SOX5: variants seen among roughly 807,000 people sequenced by gnomAD.
SOX5 encodes the protein transcription factor SOX-5.
SOX5 carries 9 observed loss-of-function variants against 92.0 expected under a neutral mutation model. The observed-to-expected ratio is 0.10, with a 90% CI of 0.06 to 0.17. The LOEUF (loss-of-function observed/expected upper bound fraction) is 0.17, where lower values mean the gene tolerates loss of function less well. SOX5 is among the 10% of genes least tolerant of loss of function. The pLI is 1.00. For synonymous variants in SOX5, 344 were observed against 336.3 expected (o/e 1.02, Z -0.25); for missense variants, 642 against 944.5 (o/e 0.68, Z 4.20).
intron 4 of SOX5, among the ~76,000 whole-genome samples, chr12:24,100,485 G>T (rs943895504): frequency 4.6e-5 from 7 of 151,996 alleles, no homozygotes; most frequent in African/African-American, 1.7e-4. Flanking sequence ...CTACATCACT[G>T]TTTCTTTCTC....
chr12:23,935,358 T>C (rs1942309342), intron 1 of SOX5, among the ~76,000 whole-genome samples: 1 of 151,282 alleles, frequency 6.6e-6, no homozygotes, highest in African/African-American at 2.4e-5. Flanking sequence ...CCACATGAGA[T>C]GTGAACACTG....
chr12:23,850,929 A>G (rs1361927939), intron 2 of SOX5, among the ~76,000 whole-genome samples: 1 of 151,654 alleles, frequency 6.6e-6, no homozygotes, highest in Admixed American at 6.6e-5. Flanking sequence ...CCAGTTATGA[A>G]CCTCCCCTAG....
At chr12:23,737,335 T>G (rs954165885) in intron 5 of SOX5, among the ~76,000 whole-genome samples, 6 of 151,980 alleles carry the variant, frequency 3.9e-5, no homozygotes, top group African/African-American at 1.4e-4. Flanking sequence ...GGTCAGGAGT[T>G]CGAGACCAGC....
At chr12:23,930,576 A>G (rs1446813556) in intron 1 of SOX5, among the ~76,000 whole-genome samples, 2 of 151,730 alleles carry the variant, frequency 1.3e-5, no homozygotes, top group African/African-American at 4.8e-5. Context: ...ATCCTCTGAT[A>G]ATATAGTCAA....
intron 8 of SOX5, among the ~76,000 whole-genome samples, chr12:23,627,845 A>G (rs1489656262): frequency 6.6e-6 from 1 of 152,022 alleles, no homozygotes; most frequent in African/African-American, 2.4e-5. Context: ...AGGAAAAAAA[A>G]AACACCTCAA....
chr12:23,724,682 TG>T (rs1415510441), intron 6 of SOX5, among the ~76,000 whole-genome samples: 2 of 152,164 alleles, frequency 1.3e-5, no homozygotes, highest in Non-Finnish European at 2.9e-5. Flanking sequence ...TATTTTGGAT[TG>T]GGCTGTCAGA....
upstream of SOX5, among the ~76,000 whole-genome samples, chr12:23,955,820 T>C (rs1436908844): frequency 1.3e-5 from 2 of 152,142 alleles, no homozygotes; most frequent in Non-Finnish European, 2.9e-5. Flanking sequence ...AAAGTGCTCT[T>C]GGCCTTCAAA....
chr12:24,040,835 T>C (rs1956450196), intron 4 of SOX5, among the ~76,000 whole-genome samples: 2 of 151,934 alleles, frequency 1.3e-5, no homozygotes, highest in African/African-American at 2.4e-5. Flanking sequence ...ATTGCACCAC[T>C]GCACTCCAGC....
chr12:24,042,719 G>A (rs1184139462), intron 4 of SOX5, among the ~76,000 whole-genome samples: 4 of 152,102 alleles, frequency 2.6e-5, no homozygotes, highest in Non-Finnish European at 4.4e-5. Context: ...TTCACTGGGT[G>A]TGTACTTGCA....
chr12:23,654,392 C>T (rs1049601744), intron 7 of SOX5, among the ~76,000 whole-genome samples: 1 of 151,908 alleles, frequency 6.6e-6, no homozygotes, highest in African/African-American at 2.4e-5. Flanking sequence ...TTCTGTTCAT[C>T]AACAAGAATC....
chr12:24,312,216 T>C (rs969649681), intron 2 of SOX5, among the ~76,000 whole-genome samples: 2 of 152,132 alleles, frequency 1.3e-5, no homozygotes, highest in Non-Finnish European at 2.9e-5. Flanking sequence ...CTTTCTGCAG[T>C]TTTAATCTAA....
At chr12:23,819,793 G>A (rs1395255855) in intron 3 of SOX5, among the ~76,000 whole-genome samples, 1 of 152,176 alleles carries the variant, frequency 6.6e-6, no homozygotes, top group Non-Finnish European at 1.5e-5. Flanking sequence ...CCATTTCATG[G>A]TGTATATGTG....
At chr12:24,414,329 A>G (rs1349683927) in intron 1 of SOX5, among the ~76,000 whole-genome samples, 1 of 152,208 alleles carries the variant, frequency 6.6e-6, no homozygotes, top group Non-Finnish European at 1.5e-5. Context: ...GATGCTGCCT[A>G]AATATGAACA....
At chr12:23,673,569 G>T (rs964495106) in intron 6 of SOX5, among the ~76,000 whole-genome samples, 2 of 151,958 alleles carry the variant, frequency 1.3e-5, no homozygotes, top group African/African-American at 4.8e-5. Context: ...ATATTTCTTA[G>T]GTATCCATGA....
intron 2 of SOX5, among the ~76,000 whole-genome samples, chr12:24,348,049 CAAAAAAAAAAA>C (rs1182462748): frequency 0.032 from 2,313 of 72,796 alleles, 73 homozygotes; most frequent in African/African-American, 0.1. Context: ...TACAGCTAAT[CAAAAAAAAAAA>C]AAAAAAAAAA....
intron 3 of SOX5, among the ~76,000 whole-genome samples, chr12:23,844,209 C>T (rs906956951): frequency 6.6e-6 from 1 of 152,164 alleles, no homozygotes; most frequent in Non-Finnish European, 1.5e-5. Flanking sequence ...GCTATGGCTC[C>T]CTGCCGCTGC....
Position 23,884,281 on chromosome 12 carries a change from G to A in SOX5, c.270+11512C>T, listed in dbSNP as rs941062907. Among the ~76,000 whole-genome samples the A allele has an allele frequency of 5.3e-5, 8 of 152,092 alleles. No homozygotes were observed. The South Asian group carries it at 6.2e-4, about 12-fold the overall frequency. On this transcript the variant is annotated intron_variant, in intron 2 of 14. Coordinates refer to ENST00000451604, the MANE Select transcript of SOX5 (RefSeq NM_006940.6). The stretch of plus-strand genomic sequence containing the variant: ...GCCAAATGCCATACAGATATCAAAC[G>A]GATCTTGGAATTTACCCAGTAATTT...
At chr12:23,690,071 A>G (rs917297172) in intron 6 of SOX5, among the ~76,000 whole-genome samples, 1 of 152,156 alleles carries the variant, frequency 6.6e-6, no homozygotes, top group Non-Finnish European at 1.5e-5. Context: ...CACTTCATCA[A>G]TAGAGTAATT....
At chr12:23,795,510 G>T (rs1264455346) in intron 3 of SOX5, among the ~76,000 whole-genome samples, 1 of 152,068 alleles carries the variant, frequency 6.6e-6, no homozygotes, top group African/African-American at 2.4e-5. Context: ...GTCTTGCCTT[G>T]TGGCTAAATT....
Sources: allele counts gnomAD v4.1 joint callset (sites outside exome capture counted in the v4.1 genomes callset), GRCh38; gene constraint gnomAD v4.1.1; transcripts MANE v1.5; gene names NCBI Gene and HGNC (gene_info 2026-07-23, HGNC 2026-07-21).